The following FHIT variants were observed in gnomAD, a reference collection of about 807,000 sequenced individuals.
The protein encoded by FHIT is fragile histidine triad diadenosine triphosphatase, also known as bis(5'-adenosyl)-triphosphatase.
A neutral mutation model predicts 17.9 loss-of-function variants in FHIT; 19 were observed. The observed-to-expected ratio is 1.06, with a 90% confidence interval of 0.74 to 1.56. FHIT has a LOEUF of 1.56. Ranked by LOEUF, FHIT falls within the 40% of genes most tolerant of loss-of-function variation. FHIT has a pLI of 0.00. For missense variants in FHIT, 248 were observed against 189.2 expected (o/e 1.31, Z -1.82); for synonymous variants, 81 against 69.7 (o/e 1.16, Z -0.81).
chr3:60,597,657 C>A (rs191849358), intron 4 of FHIT, among the ~76,000 whole-genome samples: 2 of 152,242 alleles, frequency 1.3e-5, no homozygotes, highest in East Asian at 3.9e-4. Context: ...GGAATTAAGA[C>A]CCTCAAGTGT....
chr3:61,130,407 T>C (rs1560006454), intron 2 of FHIT, among the ~76,000 whole-genome samples: 1 of 152,250 alleles, frequency 6.6e-6, no homozygotes, highest in East Asian at 1.9e-4. Context: ...TCCACATTCT[T>C]ACAATTTCCC....
chr3:60,927,740 CA>C (rs1256924010), intron 3 of FHIT, among the ~76,000 whole-genome samples: 2 of 151,748 alleles, frequency 1.3e-5, no homozygotes, highest in Non-Finnish European at 2.9e-5. Flanking sequence ...GGCGTGCCCC[CA>C]CCCGGCAGCC....
At chr3:60,318,379 C>G (rs1286703978) in intron 5 of FHIT, among the ~76,000 whole-genome samples, 1 of 152,020 alleles carries the variant, frequency 6.6e-6, no homozygotes, top group Non-Finnish European at 1.5e-5. Context: ...AGAAATCAAC[C>G]AAATGAAATG....
chr3:60,749,706 G>A (rs1382032799), intron 4 of FHIT, among the ~76,000 whole-genome samples: 10 of 152,306 alleles, frequency 6.6e-5, no homozygotes, highest in East Asian at 3.9e-4. Flanking sequence ...AATTGGAAAC[G>A]TGGAACCAGA....
intron 5 of FHIT, among the ~76,000 whole-genome samples, chr3:60,436,815 T>G (rs1312728549): frequency 6.6e-6 from 1 of 152,126 alleles, no homozygotes; most frequent in Non-Finnish European, 1.5e-5. Flanking sequence ...TTATTCATTT[T>G]TTACAAAGTA....
rs1288478264 is a variant in FHIT at position 60,810,781 on chromosome 3, T to C, written c.-18+11138A>G. ...TTGTCAGGGGCAAGGTGGAGCTTTC[T>C]GAGCCATGAATCCACTGGTGATTTC... On this transcript the variant is annotated intron_variant, in intron 4 of 9. Transcript: ENST00000492590. Among the ~76,000 whole-genome samples, 12 of 152,328 alleles carry C rather than the reference T, an allele frequency of 7.9e-5. No individual in the cohort carries two copies. In the South Asian group the frequency reaches 2.3e-3, roughly 29 times the overall value.
chr3:60,510,919 C>G (rs1055123665), intron 5 of FHIT, among the ~76,000 whole-genome samples: 8 of 152,108 alleles, frequency 5.3e-5, no homozygotes, highest in Admixed American at 4.6e-4. Flanking sequence ...AGTCTCTAAC[C>G]TCGGAGGTCT....
chr3:60,356,068 C>T lies in FHIT; in HGVS notation c.103+180792G>A, dbSNP rs564593413. ...AAGAACACTGTAGTTCACACTGTAC[C>T]AGAGAAAGAACTTGACAATTATTAG... is the stretch of plus-strand genomic sequence containing the variant. On this transcript the variant is annotated intron_variant, in intron 5 of 9. Transcript: ENST00000492590. 7.9e-5 allele frequency among the ~76,000 whole-genome samples: 12 copies of T among 152,158 alleles called. No individual in the cohort carries two copies. The South Asian group carries it at 2.5e-3, about 32-fold the overall frequency.
At chr3:60,016,779 C>A (rs2106712059) in intron 5 of FHIT, among the ~76,000 whole-genome samples, 1 of 152,272 alleles carries the variant, frequency 6.6e-6, no homozygotes, top group South Asian at 2.1e-4. Flanking sequence ...ACACCTAGAC[C>A]AAAATCTGTC....
intron 3 of FHIT, among the ~76,000 whole-genome samples, chr3:60,873,545 A>G (rs1553755559): frequency 6.6e-6 from 1 of 152,146 alleles, no homozygotes; most frequent in African/African-American, 2.4e-5. Context: ...CTCTGAATGA[A>G]GACTATTCAG....
chr3:60,041,060 TAA>T (rs897464932), intron 5 of FHIT, among the ~76,000 whole-genome samples: 1 of 151,958 alleles, frequency 6.6e-6, no homozygotes, highest in South Asian at 2.1e-4. Flanking sequence ...CTTTTCTCAA[TAA>T]AAAAAAGCTA....
chr3:60,432,058 C>A (rs1702930025), intron 5 of FHIT, among the ~76,000 whole-genome samples: 1 of 152,054 alleles, frequency 6.6e-6, no homozygotes. Context: ...TCACTGCAAC[C>A]TCCGCCTCCC....
intron 5 of FHIT, among the ~76,000 whole-genome samples, chr3:60,418,352 C>G (rs1368736621): frequency 9.7e-6 from 1 of 103,572 alleles, no homozygotes; most frequent in African/African-American, 3.9e-5. Context: ...ATATACAAAC[C>G]TATATATATG....
chr3:60,772,314 CTATATATATATATATATATATATATA>C (rs61056807), intron 4 of FHIT, among the ~76,000 whole-genome samples: 13 of 143,340 alleles, frequency 9.1e-5, no homozygotes, highest in African/African-American at 2.6e-4. Context: ...CACTTCTCAT[CTATATATATATATATATATATATATA>C]TATATATATA....
intron 5 of FHIT, among the ~76,000 whole-genome samples, chr3:60,224,309 C>A (rs976011774): frequency 1.3e-5 from 2 of 152,078 alleles, no homozygotes; most frequent in Non-Finnish European, 2.9e-5. Flanking sequence ...ACTGTCCCAA[C>A]CTGATCCTGA....
At chr3:60,708,313 T>C (rs966676100) in intron 4 of FHIT, among the ~76,000 whole-genome samples, 2 of 152,160 alleles carry the variant, frequency 1.3e-5, no homozygotes. Context: ...GCATGTATGA[T>C]TGACTAACCA....
At chr3:60,321,151 A>C (rs1709409845) in intron 5 of FHIT, among the ~76,000 whole-genome samples, 1 of 152,070 alleles carries the variant, frequency 6.6e-6, no homozygotes. Flanking sequence ...CGTGCTTCCC[A>C]CCCTGCGAAG....
intron 8 of FHIT, among the ~76,000 whole-genome samples, chr3:59,883,430 C>T (rs1046741496): frequency 2.6e-5 from 4 of 152,272 alleles, no homozygotes; most frequent in Non-Finnish European, 2.9e-5. Context: ...TATGTGGTGG[C>T]AGGCAAGAGA....
At chr3:60,314,214 A>T (rs1253466900) in intron 5 of FHIT, among the ~76,000 whole-genome samples, 1 of 152,050 alleles carries the variant, frequency 6.6e-6, no homozygotes, top group African/African-American at 2.4e-5. Context: ...GTTGGGCAAC[A>T]TATTTCTGGT....
Sources: gnomAD v4.1 joint callset for allele counts (sites outside exome capture counted in the v4.1 genomes callset) on GRCh38, gnomAD v4.1.1 for gene constraint, MANE v1.5 for transcripts, NCBI Gene and HGNC (gene_info 2026-07-23, HGNC 2026-07-21) for gene names.